Variants in DCC observed in about 807,000 individuals in gnomAD.
The protein encoded by DCC is netrin receptor DCC.
In DCC, 58 loss-of-function variants were observed where a neutral mutation model predicts 172.5. That is an observed-to-expected ratio of 0.34 (90% confidence interval 0.27 to 0.42). The LOEUF (loss-of-function observed/expected upper bound fraction) is 0.42. Among genes scored for constraint, DCC ranks in the 10% least tolerant of loss-of-function variants. DCC has a pLI of 1.00. For missense variants in DCC, 1,740 were observed against 1,791.0 expected (o/e 0.97, Z 0.51); for synonymous variants, 709 against 644.5 (o/e 1.10, Z -1.52).
intron 1 of DCC, among the ~76,000 whole-genome samples, chr18:52,611,576 T>C (rs1335172815): frequency 6.6e-6 from 1 of 152,190 alleles, no homozygotes; most frequent in Non-Finnish European, 1.5e-5. Context: ...AAACTGTCTT[T>C]TAGATCTTCA....
At chr18:53,320,807 C>T (rs2057402646) in intron 13 of DCC, among the ~76,000 whole-genome samples, 1 of 152,080 alleles carries the variant, frequency 6.6e-6, no homozygotes, top group Admixed American at 6.5e-5. Flanking sequence ...GCAATTAAAA[C>T]CTGAATAATA....
intron 8 of DCC, among the ~76,000 whole-genome samples, chr18:53,172,622 TGTTTG>T (rs754188746): frequency 0.057 from 8,650 of 152,180 alleles, 293 homozygotes; most frequent in Middle Eastern, 0.082. Context: ...ATACCCAAGG[TGTTTG>T]ATAGGCAAAT....
intron 12 of DCC, among the ~76,000 whole-genome samples, chr18:53,248,306 C>G (rs963065423): frequency 6.6e-6 from 1 of 151,934 alleles, no homozygotes; most frequent in African/African-American, 2.4e-5. Flanking sequence ...TCTGGAAATC[C>G]TAAACCTTTG....
In DCC at chr18:53,362,052, C is replaced by A. The variant is rs558722761; in HGVS notation, c.2359+22145C>A. 3.1e-4 allele frequency among the ~76,000 whole-genome samples: 47 copies of A among 152,182 alleles called. 1 individual carries two copies. In the South Asian group the frequency reaches 7.5e-3, roughly 24 times the overall value. Reference sequence around the variant, plus strand: ...TATTTGGCCCTCTTCTTATCATTATCTTTTTCTAATATGTTACTTCATGAT... The same window carrying A: ...TATTTGGCCCTCTTCTTATCATTATATTTTTCTAATATGTTACTTCATGAT... On this transcript the variant is annotated intron_variant, in intron 15 of 28. Transcript: ENST00000442544.
chr18:53,226,949 T>TA (rs1555734428), intron 12 of DCC, among the ~76,000 whole-genome samples: 1,580 of 47,230 alleles, frequency 0.033, 40 homozygotes, highest in Admixed American at 0.081. Context: ...TATATATATA[T>TA]TTTTTTTTTT....
At chr18:52,342,925 AC>A (rs1983718489) in intron 1 of DCC, among the ~76,000 whole-genome samples, 1 of 152,316 alleles carries the variant, frequency 6.6e-6, no homozygotes, top group Non-Finnish European at 1.5e-5. Context: ...GCCATGTATT[AC>A]TGCTTCATTT....
intron 25 of DCC, among the ~76,000 whole-genome samples, chr18:53,486,295 A>G (rs2045898983): frequency 6.6e-6 from 1 of 152,164 alleles, no homozygotes; most frequent in Non-Finnish European, 1.5e-5. Context: ...GATAAATCCT[A>G]AGTATGACTA....
At chr18:52,350,781 G>A (rs924803525) in intron 1 of DCC, among the ~76,000 whole-genome samples, 1 of 152,164 alleles carries the variant, frequency 6.6e-6, no homozygotes, top group African/African-American at 2.4e-5. Context: ...TTAAAGAGTT[G>A]TCAATCATGT....
rs367907467 is a variant in DCC at position 53,128,870 on chromosome 18, C to CATATATATAT, written c.1262-28461_1262-28452dup. ...ACACACACACACACACACACACACA[C>CATATATATAT]ATATATATATATATATATATATATA... On this transcript the variant is annotated intron_variant, in intron 7 of 28. Coordinates refer to ENST00000442544, the MANE Select transcript of DCC (RefSeq NM_005215.4). Among the ~76,000 whole-genome samples, 89 of 77,430 alleles carry CATATATATAT rather than the reference C, an allele frequency of 1.1e-3. 1 individual carries two copies. The highest frequency in any genetic ancestry group is 3.6e-3 in the East Asian group (9 of 2,500). The allele number at this position is 77,430 out of a possible 152,430, so 50.8% of individuals were successfully genotyped here.
chr18:53,310,801 A>G (rs952369114), intron 13 of DCC, among the ~76,000 whole-genome samples: 1 of 152,186 alleles, frequency 6.6e-6, no homozygotes, highest in African/African-American at 2.4e-5. Flanking sequence ...ATAATATGCC[A>G]TCTCTTACTA....
chr18:52,830,539 TG>T (rs2038594961), intron 2 of DCC, among the ~76,000 whole-genome samples: 1 of 152,106 alleles, frequency 6.6e-6, no homozygotes, highest in Non-Finnish European at 1.5e-5. Context: ...AAGAGGCTAT[TG>T]GATGAAATTG....
At chr18:53,228,842 C>T (rs185147810) in intron 12 of DCC, among the ~76,000 whole-genome samples, 19 of 152,246 alleles carry the variant, frequency 1.2e-4, no homozygotes, top group African/African-American at 4.3e-4. Flanking sequence ...CCCTATTCCC[C>T]TAACACACAC....
At chr18:53,000,699 AG>A in intron 5 of DCC, among the ~76,000 whole-genome samples, 1 of 150,884 alleles carries the variant, frequency 6.6e-6, no homozygotes, top group East Asian at 2.0e-4. Context: ...GCCAGACAAA[AG>A]TCAGGGACAG....
intron 19 of DCC, among the ~76,000 whole-genome samples, chr18:53,407,969 T>C (rs1177777133): frequency 1.3e-5 from 2 of 152,168 alleles, no homozygotes; most frequent in African/African-American, 4.8e-5. Context: ...GACAGAAAGG[T>C]CATACAACTT....
chr18:53,338,962 T>G (rs1230096256), intron 14 of DCC, among the ~76,000 whole-genome samples: 1 of 152,202 alleles, frequency 6.6e-6, no homozygotes, highest in African/African-American at 2.4e-5. Flanking sequence ...AATACAAGTT[T>G]GAACTCTGCT....
At chr18:52,400,478 A>G (rs1459873839) in intron 1 of DCC, among the ~76,000 whole-genome samples, 6 of 152,054 alleles carry the variant, frequency 3.9e-5, no homozygotes, top group Non-Finnish European at 1.5e-5. Flanking sequence ...AAATAGAAGC[A>G]CTTTTACGCT....
intron 15 of DCC, among the ~76,000 whole-genome samples, chr18:53,345,829 G>C (rs1019707006): frequency 6.7e-6 from 1 of 150,086 alleles, no homozygotes; most frequent in Non-Finnish European, 1.5e-5. Flanking sequence ...TATGGTTTTT[G>C]ATGAAAAACC....
At chr18:53,000,528 G>A (rs2041547788) in intron 5 of DCC, among the ~76,000 whole-genome samples, 1 of 150,868 alleles carries the variant, frequency 6.6e-6, no homozygotes, top group African/African-American at 2.4e-5. Context: ...TAAGACCTAG[G>A]AATGATCCTG....
chr18:52,400,949 G>C (rs191082027), intron 1 of DCC, among the ~76,000 whole-genome samples: 96 of 152,040 alleles, frequency 6.3e-4, no homozygotes, highest in Admixed American at 1.1e-3. Flanking sequence ...GTTGAGGGGT[G>C]GGGGACTAGG....
Sources: gnomAD v4.1 joint callset for allele counts (sites outside exome capture counted in the v4.1 genomes callset) on GRCh38, gnomAD v4.1.1 for gene constraint, MANE v1.5 for transcripts, NCBI Gene and HGNC (gene_info 2026-07-23, HGNC 2026-07-21) for gene names.